The following DAB1 variants were observed in gnomAD, a reference collection of about 807,000 sequenced individuals.
The protein encoded by DAB1 is DAB adaptor protein 1, also known as disabled homolog 1.
DAB1 carries 15 observed loss-of-function variants against 64.6 expected under a neutral mutation model. The observed-to-expected ratio is 0.23, with a 90% confidence interval of 0.16 to 0.36. The LOEUF is 0.36. Ranked by LOEUF, DAB1 falls within the 10% of genes least tolerant of loss-of-function variation. DAB1 has a pLI of 1.00. For synonymous variants in DAB1, 235 were observed against 251.9 expected (o/e 0.93, Z 0.64); for missense variants, 596 against 706.7 (o/e 0.84, Z 1.78).
At chr1:58,097,469 C>G (rs1326558015) in intron 5 of DAB1, among the ~76,000 whole-genome samples, 4 of 151,962 alleles carry the variant, frequency 2.6e-5, no homozygotes, top group African/African-American at 9.7e-5. Flanking sequence ...AGGTTGAAAA[C>G]AGGTACTGGG....
intron 4 of DAB1, among the ~76,000 whole-genome samples, chr1:58,217,617 C>G (rs1233263392): frequency 1.3e-5 from 2 of 152,188 alleles, no homozygotes; most frequent in African/African-American, 4.8e-5. Context: ...ACTGACTTAT[C>G]TGATTTAATC....
At chr1:57,023,979 G>A (rs1646704137) in intron 10 of DAB1, among the ~76,000 whole-genome samples, 1 of 152,072 alleles carries the variant, frequency 6.6e-6, no homozygotes, top group Non-Finnish European at 1.5e-5. Context: ...GTGTTTTCAG[G>A]TATCAAATTT....
intron 3 of DAB1, among the ~76,000 whole-genome samples, chr1:58,391,492 G>A (rs1431454840): frequency 2.6e-5 from 4 of 152,232 alleles, no homozygotes; most frequent in African/African-American, 9.6e-5. Context: ...GAGCTAAGAA[G>A]GGGTAAAGCC....
At chr1:57,889,423 G>T (rs1417384700) in intron 5 of DAB1, among the ~76,000 whole-genome samples, 1 of 152,244 alleles carries the variant, frequency 6.6e-6, no homozygotes, top group Admixed American at 6.5e-5. Context: ...CACAGGTCTT[G>T]ACCTTTAAAA....
At chr1:57,269,640 A>T (rs1214387485) in intron 2 of DAB1, among the ~76,000 whole-genome samples, 1 of 151,404 alleles carries the variant, frequency 6.6e-6, no homozygotes, top group Non-Finnish European at 1.5e-5. Flanking sequence ...GCCCTCCTCC[A>T]CTCCTTTCTG....
chr1:58,202,713 T>C (rs994201081), intron 4 of DAB1, among the ~76,000 whole-genome samples: 5 of 152,252 alleles, frequency 3.3e-5, no homozygotes, highest in Non-Finnish European at 7.3e-5. Flanking sequence ...AATTATACTT[T>C]ATATTATTCT....
chr1:58,262,915 TG>T (rs1216801146), intron 4 of DAB1, among the ~76,000 whole-genome samples: 4 of 152,206 alleles, frequency 2.6e-5, no homozygotes, highest in African/African-American at 9.6e-5. Flanking sequence ...CTTGTCACTC[TG>T]AGTCCAAGAG....
At chr1:57,638,391 T>G (rs531349914) in intron 7 of DAB1, among the ~76,000 whole-genome samples, 120 of 152,176 alleles carry the variant, frequency 7.9e-4, no homozygotes, top group Non-Finnish European at 1.4e-3. Context: ...GGGCGAGGAG[T>G]GTCAGATGAT....
At chr1:57,019,817 C>T (rs706354) in intron 11 of DAB1, among the ~76,000 whole-genome samples, 6,699 of 152,272 alleles carry the variant, frequency 0.044, 152 homozygotes, top group African/African-American at 0.064. Context: ...AAAGGGAACA[C>T]CTGCCTTGCT....
intron 9 of DAB1, among the ~76,000 whole-genome samples, chr1:57,047,657 A>C (rs1208523269): frequency 6.6e-6 from 1 of 152,000 alleles, no homozygotes; most frequent in East Asian, 1.9e-4. Flanking sequence ...CGGGAAAATA[A>C]TTTTCTGTTG....
At chr1:57,150,568 C>G (rs1205558190) in intron 2 of DAB1, among the ~76,000 whole-genome samples, 11 of 152,100 alleles carry the variant, frequency 7.2e-5, no homozygotes, top group Non-Finnish European at 1.0e-4. Flanking sequence ...ATTTCTCCAC[C>G]CCTTGGCACT....
intron 9 of DAB1, among the ~76,000 whole-genome samples, chr1:57,057,558 T>C (rs1363970552): frequency 6.6e-6 from 1 of 151,726 alleles, no homozygotes; most frequent in African/African-American, 2.4e-5. Flanking sequence ...CAGCCTTCTG[T>C]GACATGCAAA....
At chr1:57,973,453 G>A (rs1378646769) in intron 5 of DAB1, among the ~76,000 whole-genome samples, 1 of 152,180 alleles carries the variant, frequency 6.6e-6, no homozygotes, top group Non-Finnish European at 1.5e-5. Context: ...GCTGCAGGAA[G>A]CTAATACAAT....
intron 4 of DAB1, among the ~76,000 whole-genome samples, chr1:58,266,482 A>T (rs911069237): frequency 6.6e-6 from 1 of 152,182 alleles, no homozygotes; most frequent in South Asian, 2.1e-4. Flanking sequence ...TGACACATTA[A>T]CTGTGGGACA....
At chr1:58,021,271 T>G (rs1646811461) in intron 5 of DAB1, among the ~76,000 whole-genome samples, 1 of 152,220 alleles carries the variant, frequency 6.6e-6, no homozygotes. Flanking sequence ...AAGCTGAGCA[T>G]GTGCGTATGA....
chr1:57,149,627 A>T (rs1218459024), intron 2 of DAB1, among the ~76,000 whole-genome samples: 1 of 152,084 alleles, frequency 6.6e-6, no homozygotes, highest in Non-Finnish European at 1.5e-5. Flanking sequence ...TCATTTGCAT[A>T]TCTTCTTTGG....
chr1:57,026,299 T>C (rs1286450174), intron 9 of DAB1, among the ~76,000 whole-genome samples: 1 of 152,196 alleles, frequency 6.6e-6, no homozygotes, highest in East Asian at 1.9e-4. Context: ...TCACTTCCCA[T>C]AAGCAGTAAT....
intron 4 of DAB1, among the ~76,000 whole-genome samples, chr1:58,212,984 G>C (rs1658635372): frequency 6.6e-6 from 1 of 152,092 alleles, no homozygotes; most frequent in Non-Finnish European, 1.5e-5. Flanking sequence ...CTGGTTCTTA[G>C]AGCCCATTTA....
At chr1:57,445,438 T>C (rs992529354) in intron 7 of DAB1, among the ~76,000 whole-genome samples, 2 of 152,220 alleles carry the variant, frequency 1.3e-5, no homozygotes, top group Non-Finnish European at 2.9e-5. Context: ...TCTACTATGG[T>C]ATCTTCCCTA....
Sources: gnomAD v4.1 joint callset for allele counts (sites outside exome capture counted in the v4.1 genomes callset) on GRCh38, gnomAD v4.1.1 for gene constraint, MANE v1.5 for transcripts, NCBI Gene and HGNC (gene_info 2026-07-23, HGNC 2026-07-21) for gene names.